Variants in DKK4 observed in about 807,000 individuals in gnomAD.
DKK4 encodes the protein dickkopf Wnt signaling pathway inhibitor 4.
A neutral mutation model predicts 14.5 loss-of-function variants in DKK4; 15 were observed. That is an observed-to-expected ratio of 1.03 (90% CI 0.69 to 1.59). DKK4 has a LOEUF of 1.59. Among genes scored for constraint, DKK4 ranks in the 40% most tolerant of loss-of-function variants. The pLI is 0.00. For missense variants in DKK4, 272 were observed against 280.3 expected, an observed-to-expected ratio of 0.97 and a Z score of 0.21; for synonymous variants, 89 against 105.2, an observed-to-expected ratio of 0.85 and a Z score of 0.94.
At chr8:42,374,944 T>C (rs779274001) in intron 2 of DKK4, 31 bp from the exon 3 acceptor site, 1 of 1,613,016 alleles carries the variant, frequency 6.2e-7, no homozygotes, top group East Asian at 2.2e-5. Context: ...ACTAGAATTA[T>C]TAACTTCAAG....
the DKK4 span, among the ~76,000 whole-genome samples, chr8:42,386,584 T>C: frequency 6.6e-6 from 1 of 152,102 alleles, no homozygotes; most frequent in Non-Finnish European, 1.5e-5. Flanking sequence ...CTCAACCTCC[T>C]GGTCTCAAGC....
At position 42,374,122 on chromosome 8, in the gene DKK4, C is replaced by G. The variant is rs367991952; in HGVS notation, c.653G>C (p.Cys218Ser). ...SNRQHARLRV[C>S]QKIEKL ...TATTTATAGCTTTTCTATTTTTTGG[C>G]ATACTCTTAATCGAGCATGCTGCCG... The change falls in exon 4 of 4, where the codon TGC (cysteine) becomes TCC (serine). Residue 218 changes from cysteine to serine, a missense_variant. Cys to Ser is a moderately radical substitution (Grantham distance 112). Transcript: ENST00000220812. The G allele has an allele frequency of 8.1e-6, 13 of 1,611,536 alleles. No homozygotes were observed. The highest frequency in any genetic ancestry group is 1.1e-5 in the Non-Finnish European group (13 of 1,179,808).
At chr8:42,388,548 TTTC>T in the DKK4 span, among the ~76,000 whole-genome samples, 1 of 151,746 alleles carries the variant, frequency 6.6e-6, no homozygotes, top group Non-Finnish European at 1.5e-5. Flanking sequence ...TTTCTTTTCT[TTTC>T]TTCTTTTATT....
intron 1 of DKK4, among the ~76,000 whole-genome samples, chr8:42,376,310 A>C (rs916674419): frequency 6.6e-6 from 1 of 152,210 alleles, no homozygotes; most frequent in African/African-American, 2.4e-5. Context: ...ATTGACATAG[A>C]GAAAGAGATA....
chr8:42,382,339 C>G, the DKK4 span, among the ~76,000 whole-genome samples: 449 of 152,326 alleles, frequency 2.9e-3, 3 homozygotes, highest in African/African-American at 0.01. Context: ...AATGAGATGC[C>G]CCCCTGTGGC....
chr8:42,386,125 C>A, the DKK4 span, among the ~76,000 whole-genome samples: 2 of 152,308 alleles, frequency 1.3e-5, no homozygotes, highest in South Asian at 4.1e-4. Context: ...GTTGCCCGGG[C>A]TGGAGTGCAG....
chr8:42,388,205 T>C, the DKK4 span, among the ~76,000 whole-genome samples: 1 of 152,200 alleles, frequency 6.6e-6, no homozygotes, highest in African/African-American at 2.4e-5. Context: ...CCTGTATAGC[T>C]TTTAAACTCC....
intron 1 of DKK4, among the ~76,000 whole-genome samples, chr8:42,376,287 T>C (rs1172009109): frequency 6.6e-6 from 1 of 152,206 alleles, no homozygotes; most frequent in East Asian, 1.9e-4. Context: ...CCTTTGATTT[T>C]CAATGATGCC....
upstream of DKK4, among the ~76,000 whole-genome samples, chr8:42,381,043 G>A (rs1824671703): frequency 6.6e-6 from 1 of 152,164 alleles, no homozygotes; most frequent in Non-Finnish European, 1.5e-5. Context: ...GTTGCACTGG[G>A]AGAGAGGGGA....
At chr8:42,380,926 AAAG>A (rs1341666301), upstream of DKK4, among the ~76,000 whole-genome samples, 3 of 152,106 alleles carry the variant, frequency 2.0e-5, no homozygotes, top group Admixed American at 6.5e-5. Context: ...AAAGAAAAAG[AAAG>A]AAGGAAAGAA....
chr8:42,377,722 C>A (rs1173947447), upstream of DKK4, among the ~76,000 whole-genome samples: 1 of 152,174 alleles, frequency 6.6e-6, no homozygotes. Flanking sequence ...CCCTGATTAG[C>A]TCTGGCATCC....
At chr8:42,377,416 C>A (rs1326390947), upstream of DKK4, among the ~76,000 whole-genome samples, 1 of 152,164 alleles carries the variant, frequency 6.6e-6, no homozygotes, top group Non-Finnish European at 1.5e-5. Context: ...GGGGTTCAAT[C>A]CCTCTTAATT....
In DKK4 at chr8:42,375,732, C is replaced by A; in HGVS notation, c.210G>T (p.Arg70=). The change falls in exon 2 of 4, where the codon CGG becomes CGT. Residue 70 remains arginine (R), a synonymous_variant. Coordinates refer to ENST00000220812, the MANE Select transcript of DKK4 (RefSeq NM_014420.3). The part of the protein sequence containing the change: ...KPFCATCRGL[R]RRCQRDAMCC... ...ACATGGCATCTCGCTGGCACCTCCT[C>A]CGCAACCCACGACATGTAGCACAGA... 6.2e-7 allele frequency: 1 copy of A among 1,614,050 alleles called. No homozygotes were observed. The highest frequency in any genetic ancestry group is 8.5e-7 in the Non-Finnish European group (1 of 1,180,030).
chr8:42,382,776 G>A, the DKK4 span, among the ~76,000 whole-genome samples: 1 of 152,168 alleles, frequency 6.6e-6, no homozygotes, highest in African/African-American at 2.4e-5. Context: ...CACTAAAATC[G>A]AGTAATACTG....
At chr8:42,384,242 G>A in the DKK4 span, among the ~76,000 whole-genome samples, 1 of 152,156 alleles carries the variant, frequency 6.6e-6, no homozygotes, top group East Asian at 1.9e-4. Context: ...GCTCACTGTA[G>A]CCTCAAACTC....
At chr8:42,375,613 A>G in intron 2 of DKK4, 67 bp downstream of exon 2, 1 of 1,588,590 alleles carries the variant, frequency 6.3e-7, no homozygotes, top group South Asian at 1.1e-5. Flanking sequence ...ACCCTGGAAT[A>G]TTCTAGTCTA....
At chr8:42,378,943 C>CAAAAA (rs1166439885), upstream of DKK4, among the ~76,000 whole-genome samples, 7 of 49,448 alleles carry the variant, frequency 1.4e-4, no homozygotes, top group African/African-American at 3.2e-4. Flanking sequence ...CCTGTCTCCA[C>CAAAAA]AAAAAAAAAA....
At position 42,377,140 on chromosome 8, in the gene DKK4, G is replaced by T; in HGVS notation, c.-95C>A. On this transcript the variant is annotated 5_prime_UTR_variant, in exon 1 of 4. The change creates a new upstream start codon in the 5' untranslated region. Transcript: ENST00000220812. ...GAGCAGAGCTTCCACTAAGCTGGCA[G>T]CTCAGCACGTCGTCTGTTTGTCACT... The T allele has an allele frequency of 1.1e-6, 1 of 945,592 alleles. No individual in the cohort carries two copies. The highest frequency in any genetic ancestry group is 1.6e-6 in the Non-Finnish European group (1 of 622,188). 58.6% of individuals were successfully genotyped at this position (945,592 alleles called of 1,614,324 possible).
chr8:42,379,265 T>A (rs1307631452), upstream of DKK4, among the ~76,000 whole-genome samples: 3 of 142,086 alleles, frequency 2.1e-5, no homozygotes, highest in Non-Finnish European at 4.6e-5. Context: ...AAAAAAAAAA[T>A]TAGCCAGTCA....
Sources: gnomAD v4.1 joint callset for allele counts (sites outside exome capture counted in the v4.1 genomes callset) on GRCh38, gnomAD v4.1.1 for gene constraint, MANE v1.5 for transcripts, NCBI Gene and HGNC (gene_info 2026-07-23, HGNC 2026-07-21) for gene names.